The following AFDN variants were observed in gnomAD, a reference collection of about 807,000 sequenced individuals.
AFDN encodes afadin, adherens junction formation factor, also known as afadin.
A neutral mutation model predicts 216.6 loss-of-function variants in AFDN; 68 were observed. The ratio of observed to expected loss-of-function variants is 0.31; its 90% CI spans 0.26 to 0.38. The LOEUF (loss-of-function observed/expected upper bound fraction) is 0.38, where lower values mean the gene tolerates loss of function less well. Ranked by LOEUF, AFDN falls within the 10% of genes least tolerant of loss-of-function variation. AFDN has a pLI of 1.00. For missense variants in AFDN, 2,136 were observed against 2,342.0 expected (o/e 0.91, Z 1.82); for synonymous variants, 868 against 853.7 (o/e 1.02, Z -0.29).
At chr6:167,924,172 A>C (rs1000074459) in intron 22 of AFDN, among the ~76,000 whole-genome samples, 3 of 152,142 alleles carry the variant, frequency 2.0e-5, no homozygotes, top group Admixed American at 6.5e-5. Flanking sequence ...TTTAGTTATT[A>C]TCCTTCTAAA....
chr6:167,837,006 A>G (rs1780514997), intron 1 of AFDN, among the ~76,000 whole-genome samples: 2 of 152,312 alleles, frequency 1.3e-5, no homozygotes, highest in South Asian at 4.1e-4. Flanking sequence ...AGGTGACTTC[A>G]GTGAGTTCAT....
chr6:167,901,818 G>A (rs549202473), intron 11 of AFDN, among the ~76,000 whole-genome samples: 2 of 151,950 alleles, frequency 1.3e-5, no homozygotes, highest in South Asian at 2.1e-4. Context: ...CGGGCCGGGC[G>A]TGGTGGCTCA....
At chr6:167,866,303 C>T (rs1293421227) in intron 2 of AFDN, among the ~76,000 whole-genome samples, 1 of 152,118 alleles carries the variant, frequency 6.6e-6, no homozygotes, top group Non-Finnish European at 1.5e-5. Context: ...CCTCAGGTAC[C>T]CTTCCACACC....
chr6:167,962,388 G>A lies in AFDN; in HGVS notation c.4834-45G>A. On this transcript the variant is annotated intron_variant, in intron 30 of 33. Coordinates refer to ENST00000683244, the MANE Select transcript of AFDN (RefSeq NM_001386888.1). This position sits in a 1 kb window ranked among gnomAD's most constrained non-coding sequence, Gnocchi z 5.2. ...TTAATGTGTGCATTTTATGTCTTGT[G>A]CTGGTGGAGTTTGTGGAGGGAGATT... The A allele has an allele frequency of 1.2e-6, 2 of 1,610,900 alleles. No homozygotes were observed. Among genetic ancestry groups the A allele is most frequent in the Non-Finnish European group, 1.7e-6 (2 of 1,178,634 alleles).
intron 32 of AFDN, chr6:167,968,590 G>A (rs73036683): frequency 0.03 from 4,708 of 155,742 alleles, 88 homozygotes; most frequent in African/African-American, 0.042. Context: ...GATTTTTCCA[G>A]TGTGAATTTT....
At chr6:167,838,622 T>C (rs550352930) in intron 1 of AFDN, among the ~76,000 whole-genome samples, 3 of 152,326 alleles carry the variant, frequency 2.0e-5, no homozygotes, top group South Asian at 2.1e-4. Context: ...CAACATCTAC[T>C]GAACAAATAC....
At chr6:167,906,913 G>T (rs1789765661) in intron 12 of AFDN, among the ~76,000 whole-genome samples, 1 of 152,174 alleles carries the variant, frequency 6.6e-6, no homozygotes, top group Non-Finnish European at 1.5e-5. Flanking sequence ...TACCAGCTTT[G>T]CCTGCCTGTG....
intron 12 of AFDN, among the ~76,000 whole-genome samples, chr6:167,906,333 G>GT (rs1273562957): frequency 1.3e-5 from 2 of 152,030 alleles, no homozygotes; most frequent in African/African-American, 4.8e-5. Flanking sequence ...CTGAAAAAGT[G>GT]TTTTTTTATC....
intron 23 of AFDN, among the ~76,000 whole-genome samples, chr6:167,930,094 A>G (rs1193340598): frequency 1.3e-5 from 2 of 152,120 alleles, no homozygotes; most frequent in African/African-American, 2.4e-5. Context: ...GGTCCCAGTT[A>G]CACTGGCGGC....
rs543842500 is a variant in AFDN at position 167,854,295 on chromosome 6, G to A, written c.106-10256G>A. On this transcript the variant is annotated intron_variant, in intron 1 of 33. Transcript: ENST00000683244. ...CATTTTTCTATTGGGTTATTGGTTC[G>A]TTCTTCACAAATTTTAGAAACTCTT... Among the ~76,000 whole-genome samples, 14 of 151,898 alleles carry A rather than the reference G, an allele frequency of 9.2e-5. No homozygotes were observed. The South Asian group carries it at 1.5e-3, about 16-fold the overall frequency.
At position 167,870,457 on chromosome 6, in the gene AFDN, A is replaced by G; in HGVS notation, c.373A>G (p.Arg125Gly). Residue 125 changes from arginine (R) to glycine (G), a missense_variant, in exon 3 of 34, where the codon AGA becomes GGA. Around this residue, in one of 8 missense-constraint regions of AFDN, gnomAD observed 817 missense variants for 965.7 expected, o/e 0.85. Transcript: ENST00000683244. The part of the protein sequence containing the change: ...LNWNKDDREG[R>G]FVLKNENDAI... Reference sequence around the variant, plus strand: ...TTGGAACAAAGATGATCGGGAAGGCAGATTTGTTCTTAAGAATGAGAATGA... The same window carrying G: ...TTGGAACAAAGATGATCGGGAAGGCGGATTTGTTCTTAAGAATGAGAATGA... 6.2e-7 allele frequency: 1 copy of G among 1,612,506 alleles called. No homozygotes were observed. The highest frequency in any genetic ancestry group is 8.5e-7 in the Non-Finnish European group (1 of 1,179,188).
chr6:167,898,784 A>C (rs1341496013), intron 11 of AFDN, among the ~76,000 whole-genome samples: 1 of 152,238 alleles, frequency 6.6e-6, no homozygotes, highest in African/African-American at 2.4e-5. Context: ...TATTCAGTGT[A>C]ACTAAGATTA....
intron 10 of AFDN, 83 bp from the exon 11 acceptor site, chr6:167,898,122 G>T: frequency 6.9e-7 from 1 of 1,439,028 alleles, no homozygotes; most frequent in East Asian, 2.3e-5. Context: ...TGTCATAAAA[G>T]GGGTACTCAC....
In AFDN at chr6:167,965,997, T is replaced by C; in HGVS notation, c.5209T>C (p.Phe1737Leu). Residue 1737 changes from phenylalanine (F) to leucine (L), a missense_variant, in exon 32 of 34, where the codon TTT (phenylalanine) becomes CTT (leucine). By Grantham distance (22) the Phe-to-Leu change is conservative. Transcript: ENST00000683244. ...CCCCGACTCGCTGTTCACTGCCAAG[T>C]TTGTTGCATACAATGAGGAGGAGGA... The part of the protein sequence containing the change: ...LSPDSLFTAK[F>L]VAYNEEEEEE... The C allele has an allele frequency of 6.5e-7, 1 of 1,550,352 alleles. No individual in the cohort carries two copies. The highest frequency in any genetic ancestry group is 8.7e-7 in the Non-Finnish European group (1 of 1,146,840).
chr6:167,917,562 C>G (rs546830270), intron 20 of AFDN, among the ~76,000 whole-genome samples: 4 of 152,200 alleles, frequency 2.6e-5, no homozygotes, highest in African/African-American at 9.6e-5. Flanking sequence ...CACAGATCAC[C>G]CTCTTACAGC....
intron 11 of AFDN, among the ~76,000 whole-genome samples, 190 bp from the exon 12 acceptor site, chr6:167,902,127 T>C (rs1187987426): frequency 6.6e-6 from 1 of 151,708 alleles, no homozygotes; most frequent in Non-Finnish European, 1.5e-5. Flanking sequence ...CTGGGAATAT[T>C]GAGTATATAC....
chr6:167,902,218 G>T, intron 11 of AFDN, 99 bp from the exon 12 acceptor site: 6 of 819,702 alleles, frequency 7.3e-6, no homozygotes, highest in South Asian at 1.7e-5. Flanking sequence ...AAAAATCTTT[G>T]ACATTTGGTA....
rs570216704 is a variant in AFDN at position 167,893,934 on chromosome 6, T to C, written c.1222+28T>C. On this transcript the variant is annotated intron_variant, in intron 9 of 33. Transcript: ENST00000683244. ...AATGCTATGCTTACTACTACTTTTA[T>C]AACTAAAGCACTAATAGAACCTCAT... 8.6e-5 allele frequency: 131 copies of C among 1,517,156 alleles called. 2 individuals carry two copies. The South Asian group carries it at 1.5e-3, about 17-fold the overall frequency. The allele number at this position is 1,517,156 out of a possible 1,614,324, so 94.0% of individuals were successfully genotyped here.
chr6:167,875,405 A>G lies in AFDN; in HGVS notation c.649A>G (p.Asn217Asp). ...PETSFTRTIS[N>D]PEVVMKRRRQ... The stretch of plus-strand genomic sequence containing the variant: ...AACCAGCTTTACTCGAACCATTTCT[A>G]ATCCTGAGGTGGTTATGAAACGACG... The change falls in exon 5 of 34, where the codon AAT (asparagine) becomes GAT (aspartate). Residue 217 changes from asparagine to aspartate, a missense_variant. Physicochemically the swap from Asn to Asp is conservative, Grantham distance 23. This residue lies in a region of AFDN where 817 missense variants were observed against 965.7 expected (regional missense o/e 0.85). Coordinates refer to ENST00000683244, the MANE Select transcript of AFDN (RefSeq NM_001386888.1). 6.2e-7 allele frequency: 1 copy of G among 1,613,960 alleles called. No homozygotes were observed. Among genetic ancestry groups the G allele is most frequent in the Non-Finnish European group, 8.5e-7 (1 of 1,179,884 alleles).
Sources: gnomAD v4.1 joint callset for allele counts (sites outside exome capture counted in the v4.1 genomes callset) on GRCh38, gnomAD v4.1.1 for gene constraint, gnomAD v4.1.1 regional missense constraint, Gnocchi (gnomAD v3.1) non-coding constraint, MANE v1.5 for transcripts, NCBI Gene and HGNC (gene_info 2026-07-23, HGNC 2026-07-21) for gene names.